Variants in PTPRO observed in about 807,000 individuals in gnomAD.
PTPRO encodes receptor-type tyrosine-protein phosphatase O.
PTPRO carries 62 observed loss-of-function variants against 145.2 expected under a neutral mutation model. That is an observed-to-expected ratio of 0.43 (90% CI 0.35 to 0.53). The LOEUF is 0.53. PTPRO is among the 20% of genes least tolerant of loss of function. The pLI is 0.01. For synonymous variants in PTPRO, 565 were observed against 514.7 expected (o/e 1.10, Z -1.32); for missense variants, 1,345 against 1,482.7 (o/e 0.91, Z 1.53).
intron 1 of PTPRO, among the ~76,000 whole-genome samples, chr12:15,363,221 T>C (rs750307476): frequency 6.6e-6 from 1 of 152,140 alleles, no homozygotes; most frequent in Non-Finnish European, 1.5e-5. Flanking sequence ...ATTTAGAAGA[T>C]TAATTCTTTG....
At chr12:15,325,629 G>C (rs1866424869) in intron 1 of PTPRO, among the ~76,000 whole-genome samples, 1 of 152,172 alleles carries the variant, frequency 6.6e-6, no homozygotes, top group Non-Finnish European at 1.5e-5. Context: ...TGCAAGTGAG[G>C]TATTTATCTG....
Position 15,557,456 on chromosome 12 carries a change from G to C in PTPRO, c.2560G>C (p.Glu854Gln), listed in dbSNP as rs145232060. The C allele has an allele frequency of 3.1e-6, 5 of 1,613,508 alleles. No homozygotes were observed. In the African/African-American group the frequency reaches 6.7e-5, roughly 22 times the overall value. Reference sequence around the variant, plus strand: ...GATTTTGTGGTTCCTTTAAAACAGGGAGTGTGGAGCTGGTACATTTGTCAA... The same window carrying C: ...GATTTTGTGGTTCCTTTAAAACAGGCAGTGTGGAGCTGGTACATTTGTCAA... Reference protein sequence around the residue: ...LRKKHLQMARECGAGTFVNFA... With the variant: ...LRKKHLQMARQCGAGTFVNFA... The change falls in exon 16 of 27, where the codon GAG becomes CAG. Residue 854 changes from glutamate to glutamine, a missense_variant and splice_region_variant. By Grantham distance (29) the Glu-to-Gln change is conservative. Coordinates refer to ENST00000281171, the MANE Select transcript of PTPRO (RefSeq NM_030667.3).
chr12:15,398,172 T>C (rs1486387195), intron 1 of PTPRO, among the ~76,000 whole-genome samples: 1 of 152,180 alleles, frequency 6.6e-6, no homozygotes, highest in Non-Finnish European at 1.5e-5. Flanking sequence ...CCACTTCAAA[T>C]GCTAACAACA....
chr12:15,541,169 T>C (rs1943173048), intron 12 of PTPRO, among the ~76,000 whole-genome samples: 1 of 152,152 alleles, frequency 6.6e-6, no homozygotes, highest in African/African-American at 2.4e-5. Flanking sequence ...ATATGGAAAA[T>C]GTTATGATTG....
chr12:15,403,150 G>A (rs978437089), intron 1 of PTPRO, among the ~76,000 whole-genome samples: 2 of 152,040 alleles, frequency 1.3e-5, no homozygotes, highest in Non-Finnish European at 2.9e-5. Context: ...TCCCTGAATG[G>A]CGTGGTCTCT....
intron 1 of PTPRO, among the ~76,000 whole-genome samples, chr12:15,438,381 T>C (rs1389612737): frequency 6.6e-6 from 1 of 151,796 alleles, no homozygotes; most frequent in Non-Finnish European, 1.5e-5. Context: ...AACTCAGAAA[T>C]AATAAATAAA....
At chr12:15,514,688 A>G (rs1035240397) in intron 7 of PTPRO, among the ~76,000 whole-genome samples, 1 of 151,956 alleles carries the variant, frequency 6.6e-6, no homozygotes, top group Non-Finnish European at 1.5e-5. Flanking sequence ...GCTTTACTTT[A>G]TTTATTAAAT....
chr12:15,351,862 C>G (rs1459442895), intron 1 of PTPRO, among the ~76,000 whole-genome samples: 1 of 152,162 alleles, frequency 6.6e-6, no homozygotes, highest in Non-Finnish European at 1.5e-5. Context: ...CGTGCAAACA[C>G]TCAGATTTCA....
At chr12:15,500,075 A>ATGGGTGGG (rs1942187227) in intron 4 of PTPRO, among the ~76,000 whole-genome samples, 1 of 19,580 alleles carries the variant, frequency 5.1e-5, no homozygotes. Context: ...GGATGGATAG[A>ATGGGTGGG]TGGATGGGTG....
At chr12:15,375,688 A>G (rs1208139852) in intron 1 of PTPRO, among the ~76,000 whole-genome samples, 1 of 150,264 alleles carries the variant, frequency 6.7e-6, no homozygotes, top group Non-Finnish European at 1.5e-5. Flanking sequence ...CCTGGGAGGC[A>G]GAGGTTGCAA....
At chr12:15,453,096 T>C (rs980292313) in intron 1 of PTPRO, among the ~76,000 whole-genome samples, 3 of 152,108 alleles carry the variant, frequency 2.0e-5, no homozygotes, top group African/African-American at 7.2e-5. Flanking sequence ...ATAATTTTTG[T>C]TTTCTGTATG....
intron 1 of PTPRO, among the ~76,000 whole-genome samples, chr12:15,371,511 G>A (rs987711300): frequency 3.0e-4 from 45 of 152,130 alleles, no homozygotes; most frequent in African/African-American, 1.0e-3. Flanking sequence ...GGGATTACAG[G>A]CATGAGCCAC....
chr12:15,558,410 G>A (rs1401990709), intron 16 of PTPRO, among the ~76,000 whole-genome samples: 1 of 152,152 alleles, frequency 6.6e-6, no homozygotes, highest in Non-Finnish European at 1.5e-5. Context: ...GAGTATTAAG[G>A]ACCCGGAAGG....
chr12:15,546,009 C>T (rs977643956), intron 12 of PTPRO, among the ~76,000 whole-genome samples: 13 of 134,298 alleles, frequency 9.7e-5, no homozygotes, highest in African/African-American at 3.5e-4. Context: ...AGTGAGACCC[C>T]CGCCTCAAAA....
chr12:15,507,633 T>A (rs1290068021), intron 6 of PTPRO, among the ~76,000 whole-genome samples: 3 of 152,208 alleles, frequency 2.0e-5, no homozygotes, highest in Non-Finnish European at 4.4e-5. Context: ...GTCACTGACC[T>A]GCCAGGAACA....
intron 1 of PTPRO, among the ~76,000 whole-genome samples, chr12:15,414,998 C>T (rs974761347): frequency 6.6e-6 from 1 of 152,104 alleles, no homozygotes; most frequent in Non-Finnish European, 1.5e-5. Context: ...AGAATAAGCT[C>T]AAAAATGAAC....
chr12:15,360,619 C>CTA lies in PTPRO; in HGVS notation c.75+37828_75+37829dup, dbSNP rs531133752. On this transcript the variant is annotated intron_variant, in intron 1 of 26. Transcript: ENST00000281171. Reference sequence around the variant, plus strand: ...AGTATCTCTCTTTCTCTCTCTCTCTCTATATATATATGTGTGTGTGTATAT... The same window carrying CTA: ...AGTATCTCTCTTTCTCTCTCTCTCTCTATATATATATATGTGTGTGTGTATAT... 6.8e-3 allele frequency among the ~76,000 whole-genome samples: 1,020 copies of CTA among 150,268 alleles called. 5 individuals are homozygous for CTA. The highest frequency in any genetic ancestry group is 0.011 in the Non-Finnish European group (760 of 67,624).
At chr12:15,325,582 T>C (rs1184591658) in intron 1 of PTPRO, among the ~76,000 whole-genome samples, 1 of 152,232 alleles carries the variant, frequency 6.6e-6, no homozygotes, top group Non-Finnish European at 1.5e-5. Flanking sequence ...TGTTATTATA[T>C]TGAAGGCTAC....
At position 15,515,580 on chromosome 12, in the gene PTPRO, T is replaced by C. The variant is rs1942559478; in HGVS notation, c.1547T>C (p.Leu516Ser). Residue 516 changes from leucine (L) to serine (S), a missense_variant, in exon 8 of 27, where the codon TTG becomes TCG. Coordinates refer to ENST00000281171, the MANE Select transcript of PTPRO (RefSeq NM_030667.3). ...GTAATATACCTAAGGAAAGGCCCTT[T>C]GATTGGACCACCTTCAGATCCTGTG... Reference protein sequence around the residue: ...QVVIYLRKGPLIGPPSDPVTF... With the variant: ...QVVIYLRKGPSIGPPSDPVTF... 1 of 1,613,952 alleles carries C rather than the reference T, an allele frequency of 6.2e-7. No homozygotes were observed. Among genetic ancestry groups the C allele is most frequent in the South Asian group, 1.1e-5 (1 of 91,080 alleles).
Sources: gnomAD v4.1 joint callset for allele counts (sites outside exome capture counted in the v4.1 genomes callset) on GRCh38, gnomAD v4.1.1 for gene constraint, MANE v1.5 for transcripts, NCBI Gene and HGNC (gene_info 2026-07-23, HGNC 2026-07-21) for gene names.